Variants in ADAMTSL1 observed in about 807,000 individuals in gnomAD.
The protein encoded by ADAMTSL1 is ADAMTS-like protein 1.
Under a neutral mutation model 201.8 loss-of-function variants are expected in ADAMTSL1, and 126 were observed. That is an observed-to-expected ratio of 0.62 (90% CI 0.54 to 0.72). ADAMTSL1 has a LOEUF of 0.72. Among genes scored for constraint, ADAMTSL1 ranks in the 30% least tolerant of loss-of-function variants. The pLI is 0.00. For synonymous variants in ADAMTSL1, 1,121 were observed against 903.4 expected, an observed-to-expected ratio of 1.24 and a Z score of -4.32; for missense variants, 2,679 against 2,277.8, an observed-to-expected ratio of 1.18 and a Z score of -3.59.
At chr9:18,530,665 A>G (rs1283148427) in intron 2 of ADAMTSL1, among the ~76,000 whole-genome samples, 2 of 152,150 alleles carry the variant, frequency 1.3e-5, no homozygotes, top group Non-Finnish European at 2.9e-5. Flanking sequence ...ATATTTTTAC[A>G]TCTATTATGT....
chr9:18,029,605 C>T (rs1820850579), intron 1 of ADAMTSL1, among the ~76,000 whole-genome samples: 1 of 152,000 alleles, frequency 6.6e-6, no homozygotes, highest in African/African-American at 2.4e-5. Context: ...TCAGAGTGAA[C>T]AGGCAACCTA....
At chr9:18,498,922 C>T (rs930519657) in intron 1 of ADAMTSL1, among the ~76,000 whole-genome samples, 2 of 152,244 alleles carry the variant, frequency 1.3e-5, no homozygotes, top group Admixed American at 1.3e-4. Flanking sequence ...CCAGTTTTCC[C>T]TCACCATCAA....
chr9:18,275,312 C>G (rs538016827), intron 2 of ADAMTSL1, among the ~76,000 whole-genome samples: 156 of 152,286 alleles, frequency 1.0e-3, no homozygotes, highest in African/African-American at 3.7e-3. Context: ...CACAGCACTT[C>G]TGCATAGTTT....
chr9:18,888,355 C>A (rs569577204), intron 24 of ADAMTSL1, among the ~76,000 whole-genome samples: 1 of 152,288 alleles, frequency 6.6e-6, no homozygotes, highest in East Asian at 1.9e-4. Context: ...AGATGTGATT[C>A]TTTTATGCTG....
chr9:18,635,833 A>C, intron 5 of ADAMTSL1, 110 bp from the exon 6 acceptor site: 1 of 878,402 alleles, frequency 1.1e-6, no homozygotes, highest in Admixed American at 2.9e-5. Context: ...TCAAACACTT[A>C]AAAAAACTGT....
At chr9:18,836,050 G>C (rs1325477552) in intron 23 of ADAMTSL1, among the ~76,000 whole-genome samples, 1 of 152,076 alleles carries the variant, frequency 6.6e-6, no homozygotes, top group Non-Finnish European at 1.5e-5. Context: ...TTGAATGATC[G>C]TTGTGTTTTA....
chr9:18,579,056 T>C (rs1165674142), intron 4 of ADAMTSL1, among the ~76,000 whole-genome samples: 1 of 151,472 alleles, frequency 6.6e-6, no homozygotes, highest in Non-Finnish European at 1.5e-5. Context: ...CATGTCATGT[T>C]GCGGCATTAT....
At chr9:18,892,302 A>G (rs1445036876) in intron 25 of ADAMTSL1, 87 bp from the exon 26 acceptor site, 2 of 1,356,756 alleles carry the variant, frequency 1.5e-6, no homozygotes, top group Non-Finnish European at 2.0e-6. Context: ...AATTAGTGGC[A>G]AGAGCAGGGA....
chr9:18,470,133 A>G (rs1451314540), upstream of ADAMTSL1, among the ~76,000 whole-genome samples: 1 of 152,140 alleles, frequency 6.6e-6, no homozygotes, highest in African/African-American at 2.4e-5. Flanking sequence ...AGAGCCCCAA[A>G]TTTCCTGCCT....
chr9:18,560,799 G>C (rs1407194704), intron 3 of ADAMTSL1, among the ~76,000 whole-genome samples: 1 of 152,016 alleles, frequency 6.6e-6, no homozygotes, highest in Non-Finnish European at 1.5e-5. Flanking sequence ...GCATACAGGT[G>C]TTTACAGTAT....
intron 26 of ADAMTSL1, among the ~76,000 whole-genome samples, chr9:18,897,578 C>G (rs1829724674): frequency 6.6e-6 from 1 of 152,170 alleles, no homozygotes; most frequent in Admixed American, 6.5e-5. Context: ...AGGGGAAAAC[C>G]TAGGCAACTA....
intron 1 of ADAMTSL1, among the ~76,000 whole-genome samples, chr9:18,012,805 T>C (rs1239436882): frequency 6.6e-6 from 1 of 152,006 alleles, no homozygotes; most frequent in Non-Finnish European, 1.5e-5. Flanking sequence ...TTGCTTCTCC[T>C]TAAATATTCT....
intron 2 of ADAMTSL1, among the ~76,000 whole-genome samples, chr9:18,234,356 A>T (rs763393759): frequency 2.0e-5 from 3 of 152,120 alleles, no homozygotes; most frequent in Non-Finnish European, 2.9e-5. Context: ...TGTCAGAGAG[A>T]TAGTTGGATG....
intron 23 of ADAMTSL1, among the ~76,000 whole-genome samples, chr9:18,863,574 C>T (rs1827336225): frequency 6.6e-6 from 1 of 152,162 alleles, no homozygotes; most frequent in Non-Finnish European, 1.5e-5. Context: ...TGTCTTCTCC[C>T]ACAGCCTTCT....
At chr9:18,221,444 T>G (rs1193568224) in intron 2 of ADAMTSL1, among the ~76,000 whole-genome samples, 4 of 152,214 alleles carry the variant, frequency 2.6e-5, no homozygotes, top group Non-Finnish European at 4.4e-5. Flanking sequence ...AAACATCTTA[T>G]TTATCCTTCA....
chr9:18,396,461 A>G (rs1011574961), intron 2 of ADAMTSL1, among the ~76,000 whole-genome samples: 3 of 149,004 alleles, frequency 2.0e-5, no homozygotes, highest in Non-Finnish European at 3.0e-5. Flanking sequence ...TAATAATTTA[A>G]TATTAATTAA....
chr9:18,276,740 C>CATGAACTAATA (rs1832603366), intron 2 of ADAMTSL1, among the ~76,000 whole-genome samples: 1 of 152,058 alleles, frequency 6.6e-6, no homozygotes, highest in Non-Finnish European at 1.5e-5. Flanking sequence ...TAAGAGGTGC[C>CATGAACTAATA]AAGTTATTTT....
chr9:18,617,455 C>T (rs990563367), intron 4 of ADAMTSL1, among the ~76,000 whole-genome samples: 1 of 141,382 alleles, frequency 7.1e-6, no homozygotes, highest in African/African-American at 2.6e-5. Flanking sequence ...GTCTCTGAGC[C>T]AACTTGGATT....
Position 17,932,726 on chromosome 9 carries a change from T to G in ADAMTSL1, c.87+25804T>G, listed in dbSNP as rs376346005. On this transcript the variant is annotated intron_variant, in intron 1 of 29. Coordinates refer to the ADAMTSL1 transcript ENST00000680146. ...AGTGCAGGCTATCCTGGAAAATATTTTCATTTTGAATACAGTGATCTAAGT... is the reference window on the plus strand; with the variant it reads ...AGTGCAGGCTATCCTGGAAAATATTGTCATTTTGAATACAGTGATCTAAGT... Among the ~76,000 whole-genome samples the G allele has an allele frequency of 2.0e-5, 3 of 152,304 alleles. No individual in the cohort carries two copies. In the East Asian group the frequency reaches 5.8e-4, roughly 29 times the overall value.
Sources: gnomAD v4.1 joint callset for allele counts (sites outside exome capture counted in the v4.1 genomes callset) on GRCh38, gnomAD v4.1.1 for gene constraint, MANE v1.5 for transcripts, NCBI Gene and HGNC (gene_info 2026-07-23, HGNC 2026-07-21) for gene names.